Variants in RERE observed in about 807,000 individuals in gnomAD.
RERE encodes the protein arginine-glutamic acid dipeptide repeats.
A neutral mutation model predicts 146.1 loss-of-function variants in RERE; 40 were observed. The observed-to-expected ratio is 0.27, with a 90% CI of 0.21 to 0.36. The LOEUF is 0.36. RERE is among the 10% of genes least tolerant of loss of function. The pLI is 1.00. For synonymous variants in RERE, 1,003 were observed against 866.0 expected, an observed-to-expected ratio of 1.16 and a Z score of -2.78; for missense variants, 1,933 against 2,138.7, an observed-to-expected ratio of 0.90 and a Z score of 1.90.
At chr1:8,394,105 A>G (rs1642974001) in intron 12 of RERE, among the ~76,000 whole-genome samples, 1 of 152,192 alleles carries the variant, frequency 6.6e-6, no homozygotes, top group African/African-American at 2.4e-5. Flanking sequence ...ATACTTTGGG[A>G]AAACCAAATT....
At chr1:8,759,027 A>T (rs906602328) in intron 1 of RERE, among the ~76,000 whole-genome samples, 1 of 152,166 alleles carries the variant, frequency 6.6e-6, no homozygotes. Context: ...GATATTTCCC[A>T]ACTACTCAGA....
chr1:8,361,333 G>A lies in RERE; in HGVS notation c.2174C>T (p.Ser725Leu), dbSNP rs993086500. Residue 725 changes from serine to leucine, a missense_variant, in exon 18 of 23, where the codon TCG (serine) becomes TTG (leucine). By Grantham distance (145) the Ser-to-Leu change is moderately radical. Coordinates refer to ENST00000400908, the MANE Select transcript of RERE (RefSeq NM_001042681.2). ...CATCTGCTGCTGGGCTGACGAGTCC[G>A]AGTCACTCTCATTGTCCTGGGGGCT... is the stretch of plus-strand genomic sequence containing the variant. The part of the protein sequence containing the change: ...IPSPQDNESD[S>L]DSSAQQQMLQ... The A allele has an allele frequency of 6.2e-7, 1 of 1,613,176 alleles. No individual in the cohort carries two copies.
intron 1 of RERE, among the ~76,000 whole-genome samples, chr1:8,734,505 A>G (rs902168950): frequency 6.6e-6 from 1 of 152,184 alleles, no homozygotes; most frequent in African/African-American, 2.4e-5. Flanking sequence ...TACATCTACC[A>G]AGCAGGCTCA....
At chr1:8,529,583 AG>A (rs1645616152) in intron 7 of RERE, among the ~76,000 whole-genome samples, 1 of 151,572 alleles carries the variant, frequency 6.6e-6, no homozygotes, top group African/African-American at 2.4e-5. Context: ...TACAGGCGTG[AG>A]CCACCACGCC....
intron 11 of RERE, among the ~76,000 whole-genome samples, chr1:8,454,402 G>C (rs1037405068): frequency 1.3e-5 from 2 of 152,152 alleles, no homozygotes; most frequent in Non-Finnish European, 2.9e-5. Flanking sequence ...GCAGGCAGCA[G>C]ACCAAGATGG....
chr1:8,574,752 G>A (rs1471718051), intron 4 of RERE, among the ~76,000 whole-genome samples: 4 of 152,198 alleles, frequency 2.6e-5, no homozygotes, highest in African/African-American at 9.7e-5. Flanking sequence ...TGATGGCAGA[G>A]CTCACAGCAG....
At chr1:8,726,120 G>A (rs1410207728) in intron 1 of RERE, among the ~76,000 whole-genome samples, 1 of 149,528 alleles carries the variant, frequency 6.7e-6, no homozygotes, top group Non-Finnish European at 1.5e-5. Context: ...AGTCAATAAG[G>A]GAATTCCAGT....
chr1:8,533,740 G>T (rs1375811543), intron 7 of RERE, among the ~76,000 whole-genome samples: 1 of 152,128 alleles, frequency 6.6e-6, no homozygotes. Context: ...TTAGTTTTCA[G>T]TTTCTCTTAA....
intron 11 of RERE, among the ~76,000 whole-genome samples, chr1:8,436,031 C>T (rs1416773579): frequency 6.6e-6 from 1 of 152,148 alleles, no homozygotes; most frequent in Non-Finnish European, 1.5e-5. Context: ...TTAAAAATAA[C>T]CCAACACGGC....
chr1:8,492,675 G>A (rs1001188677), intron 10 of RERE, among the ~76,000 whole-genome samples: 1 of 152,182 alleles, frequency 6.6e-6, no homozygotes, highest in African/African-American at 2.4e-5. Flanking sequence ...CGAGGCAGGA[G>A]GATCACTTGA....
chr1:8,776,434 A>G (rs1421671971), intron 1 of RERE, among the ~76,000 whole-genome samples: 1 of 152,086 alleles, frequency 6.6e-6, no homozygotes, highest in Non-Finnish European at 1.5e-5. Context: ...AGTAGCTGGG[A>G]CTACAGGTGC....
At chr1:8,683,296 C>A (rs1472591947) in intron 1 of RERE, among the ~76,000 whole-genome samples, 2 of 152,144 alleles carry the variant, frequency 1.3e-5, no homozygotes, top group Non-Finnish European at 2.9e-5. Context: ...TAATCCCACT[C>A]CTCCCTCCAG....
chr1:8,700,346 G>A (rs1557489808), intron 1 of RERE, among the ~76,000 whole-genome samples: 1 of 151,786 alleles, frequency 6.6e-6, no homozygotes, highest in Non-Finnish European at 1.5e-5. Context: ...GATAATAACA[G>A]CTCTGGACAG....
In RERE at chr1:8,355,445, G is replaced by A; in HGVS notation, c.4641C>T (p.His1547=). ...LHGHPHMHGG[H]LPSQEDYYSR... is the part of the protein sequence containing the mutation. ...TGTAATAATCTTCCTGACTTGGTAG[G>A]TGGCCACCATGCATGTGGGGGTGTC... The change falls in exon 22 of 23, where the codon CAC becomes CAT. Residue 1547 remains histidine, a synonymous_variant. Transcript: ENST00000400908. 1 of 1,613,074 alleles carries A rather than the reference G, an allele frequency of 6.2e-7. No homozygotes were observed.
At chr1:8,757,090 CA>C (rs34237128) in intron 1 of RERE, among the ~76,000 whole-genome samples, 17,808 of 59,478 alleles carry the variant, frequency 0.3, 539 homozygotes, top group Middle Eastern at 0.35. Context: ...AACTCCATCT[CA>C]AAAAAAAAAA....
At chr1:8,800,570 CT>C (rs1323599047) in intron 1 of RERE, among the ~76,000 whole-genome samples, 1 of 152,132 alleles carries the variant, frequency 6.6e-6, no homozygotes, top group Non-Finnish European at 1.5e-5. Context: ...GTAGTCCCAG[CT>C]ACTCAGGAGG....
chr1:8,391,686 T>C (rs908829893), intron 12 of RERE, among the ~76,000 whole-genome samples: 1 of 152,206 alleles, frequency 6.6e-6, no homozygotes, highest in Non-Finnish European at 1.5e-5. Flanking sequence ...ATTGCACTTA[T>C]GAGAATTTAT....
chr1:8,493,090 AAAACAACAAC>A (rs1355456287), intron 10 of RERE, among the ~76,000 whole-genome samples: 3 of 152,216 alleles, frequency 2.0e-5, no homozygotes, highest in East Asian at 1.9e-4. Flanking sequence ...GCCTCAAGAA[AAAACAACAAC>A]AAACAACAAC....
chr1:8,613,501 C>A (rs1181234974), intron 4 of RERE, among the ~76,000 whole-genome samples: 6 of 152,196 alleles, frequency 3.9e-5, no homozygotes, highest in African/African-American at 7.2e-5. Flanking sequence ...CCCAGCTCCT[C>A]AAAACCTACC....
Sources: gnomAD v4.1 joint callset for allele counts (sites outside exome capture counted in the v4.1 genomes callset) on GRCh38, gnomAD v4.1.1 for gene constraint, MANE v1.5 for transcripts, NCBI Gene and HGNC (gene_info 2026-07-23, HGNC 2026-07-21) for gene names.